Variants in NT5C2 observed in about 807,000 individuals in gnomAD.
NT5C2 encodes the protein 5'-nucleotidase, cytosolic II, also known as cytosolic purine 5'-nucleotidase.
A neutral mutation model predicts 76.1 loss-of-function variants in NT5C2; 58 were observed. The observed-to-expected ratio is 0.76, with a 90% CI of 0.62 to 0.95. NT5C2 has a LOEUF of 0.95. Ranked by LOEUF, NT5C2 falls within the 40% of genes least tolerant of loss-of-function variation. The probability of loss-of-function intolerance (pLI) is 0.00; values close to 1 mark genes in which losing one functional copy is unlikely to be tolerated. For synonymous variants in NT5C2, 229 were observed against 237.4 expected, an observed-to-expected ratio of 0.96 and a Z score of 0.32; for missense variants, 478 against 690.3, an observed-to-expected ratio of 0.69 and a Z score of 3.45.
intron 4 of NT5C2, among the ~76,000 whole-genome samples, chr10:103,127,088 G>A (rs886191345): frequency 1.9e-4 from 29 of 152,294 alleles, no homozygotes; most frequent in African/African-American, 7.0e-4. Context: ...TGAGGTTTTC[G>A]ATTGCATGGG....
chr10:103,092,262 CAAAT>C (rs1361521473), intron 15 of NT5C2, among the ~76,000 whole-genome samples: 2 of 152,132 alleles, frequency 1.3e-5, no homozygotes, highest in East Asian at 1.9e-4. Context: ...AAGTGTTACT[CAAAT>C]AATTTTCTGT....
chr10:103,095,901 G>C, intron 12 of NT5C2, 38 bp downstream of exon 12: 4 of 1,551,290 alleles, frequency 2.6e-6, no homozygotes, highest in Non-Finnish European at 3.6e-6. Context: ...TGCATTCATT[G>C]TTATTAAAGC....
chr10:103,097,335 C>T lies in NT5C2; in HGVS notation c.727G>A (p.Gly243Arg). The change falls in exon 11 of 19, where the codon GGG becomes AGG. Residue 243 changes from glycine to arginine, a missense_variant. Physicochemically the swap from Gly to Arg is moderately radical, Grantham distance 125. Coordinates refer to ENST00000404739, the MANE Select transcript of NT5C2 (RefSeq NM_001351169.2). Reference protein sequence around the residue: ...PLLLSRMKEVGKVFLATNSDY... With the variant: ...PLLLSRMKEVRKVFLATNSDY... ...CTGTTGGTAGCAAGAAATACTTTCC[C>T]TACTTCCTTCATCCGGCTCAGAAGC... The T allele has an allele frequency of 6.2e-7, 1 of 1,613,664 alleles. No individual in the cohort carries two copies. Among genetic ancestry groups the T allele is most frequent in the Non-Finnish European group, 8.5e-7 (1 of 1,179,778 alleles).
chr10:103,158,817 TAAA>T (rs201330746), intron 3 of NT5C2, among the ~76,000 whole-genome samples: 2 of 124,998 alleles, frequency 1.6e-5, no homozygotes, highest in African/African-American at 2.9e-5. Context: ...GACTCTTATC[TAAA>T]AAAAAAAAAA....
At chr10:103,157,512 AT>A (rs1419752473) in intron 3 of NT5C2, among the ~76,000 whole-genome samples, 1 of 152,234 alleles carries the variant, frequency 6.6e-6, no homozygotes, top group Non-Finnish European at 1.5e-5. Flanking sequence ...ATGGACTAGC[AT>A]TAGATGTAAT....
chr10:103,151,464 TA>T (rs371652593), intron 3 of NT5C2, among the ~76,000 whole-genome samples: 133 of 139,042 alleles, frequency 9.6e-4, no homozygotes, highest in Middle Eastern at 3.7e-3. Flanking sequence ...AACCTGTTCT[TA>T]AAAAAAAAAA....
intron 4 of NT5C2, among the ~76,000 whole-genome samples, chr10:103,128,086 C>T (rs1343754331): frequency 7.2e-6 from 1 of 139,692 alleles, no homozygotes; most frequent in Non-Finnish European, 1.6e-5. Flanking sequence ...TCTCCCTCTC[C>T]CTCTGTCTCC....
chr10:103,114,913 TTA>T (rs755181588), intron 4 of NT5C2, among the ~76,000 whole-genome samples: 4 of 152,204 alleles, frequency 2.6e-5, no homozygotes, highest in Non-Finnish European at 5.9e-5. Context: ...AACTACAGTA[TTA>T]GTGTCTTATT....
chr10:103,153,355 T>C (rs865793090), intron 3 of NT5C2: 1 of 1,268,414 alleles, frequency 7.9e-7, no homozygotes. Context: ...ACAAACAAGC[T>C]TCACTGATCT....
intron 4 of NT5C2, among the ~76,000 whole-genome samples, chr10:103,133,764 A>G (rs897794083): frequency 5.3e-5 from 8 of 152,248 alleles, no homozygotes; most frequent in African/African-American, 1.7e-4. Context: ...AAAATGTGGG[A>G]AAGTTTAGAA....
At chr10:103,191,406 A>G (rs573487685) in intron 1 of NT5C2, among the ~76,000 whole-genome samples, 341 of 136,886 alleles carry the variant, frequency 2.5e-3, no homozygotes, top group African/African-American at 8.0e-3. Flanking sequence ...AAAGAGAGAG[A>G]GAGGAAATAC....
chr10:103,099,112 G>A (rs1053163299), intron 9 of NT5C2, 128 bp from the exon 10 acceptor site: 23 of 741,526 alleles, frequency 3.1e-5, no homozygotes, highest in Middle Eastern at 3.7e-4. Context: ...TCACCCTGTT[G>A]CCCATGCTAG....
chr10:103,168,296 G>A (rs1471457071), intron 3 of NT5C2, among the ~76,000 whole-genome samples: 1 of 152,148 alleles, frequency 6.6e-6, no homozygotes, highest in Non-Finnish European at 1.5e-5. Context: ...AATAAGCTGT[G>A]TTCACAAAGA....
At chr10:103,166,748 GTT>G in intron 3 of NT5C2, among the ~76,000 whole-genome samples, 1 of 151,454 alleles carries the variant, frequency 6.6e-6, no homozygotes, top group Admixed American at 6.6e-5. Context: ...AAACTCCCAA[GTT>G]CAAGTGATCT....
rs117897062 is a variant in NT5C2 at position 103,134,379 on chromosome 10, G to A, written c.175+5027C>T. Among the ~76,000 whole-genome samples the A allele has an allele frequency of 9.5e-4, 145 of 152,344 alleles. No homozygotes were observed. The East Asian group carries it at 0.024, about 25-fold the overall frequency. On this transcript the variant is annotated intron_variant, in intron 4 of 18. Transcript: ENST00000404739. ...CAGCCACTCCTGCCATGGCTGAAAG[G>A]GGCCAATATAGAGCTCGGGCTGTGG...
intron 1 of NT5C2, among the ~76,000 whole-genome samples, chr10:103,192,669 C>A (rs1375505912): frequency 1.3e-5 from 2 of 152,160 alleles, no homozygotes; most frequent in East Asian, 1.9e-4. Flanking sequence ...CCGTTTCTCG[C>A]GGTCCTGCTA....
chr10:103,184,401 A>G (rs552539529), intron 1 of NT5C2, among the ~76,000 whole-genome samples: 26 of 152,344 alleles, frequency 1.7e-4, no homozygotes, highest in African/African-American at 6.3e-4. Context: ...ACTCCAACTA[A>G]TAACATCACA....
intron 4 of NT5C2, among the ~76,000 whole-genome samples, chr10:103,112,947 T>C (rs1212408981): frequency 6.6e-6 from 1 of 152,202 alleles, no homozygotes; most frequent in Non-Finnish European, 1.5e-5. Flanking sequence ...CCAAGGACTT[T>C]TTTCCATTTT....
At chr10:103,192,500 C>T (rs1204940305) in intron 1 of NT5C2, among the ~76,000 whole-genome samples, 1 of 152,222 alleles carries the variant, frequency 6.6e-6, no homozygotes, top group Non-Finnish European at 1.5e-5. Context: ...ATCTCGCCCT[C>T]TCCGATTTCA....
Sources: allele counts gnomAD v4.1 joint callset (sites outside exome capture counted in the v4.1 genomes callset), GRCh38; gene constraint gnomAD v4.1.1; transcripts MANE v1.5; gene names NCBI Gene and HGNC (gene_info 2026-07-23, HGNC 2026-07-21).